Variants in GABRG3 observed in about 807,000 individuals in gnomAD.
GABRG3 encodes the protein gamma-aminobutyric acid receptor subunit gamma-3.
In GABRG3, 25 loss-of-function variants were observed where a neutral mutation model predicts 48.8. The observed-to-expected ratio is 0.51, with a 90% CI of 0.37 to 0.72. GABRG3 has a LOEUF of 0.72. GABRG3 is among the 30% of genes least tolerant of loss of function. The pLI is 0.00. For synonymous variants in GABRG3, 227 were observed against 217.6 expected (o/e 1.04, Z -0.38); for missense variants, 394 against 577.9 (o/e 0.68, Z 3.26).
intron 6 of GABRG3, among the ~76,000 whole-genome samples, chr15:27,500,553 C>T (rs929632523): frequency 1.3e-5 from 2 of 152,226 alleles, no homozygotes; most frequent in Non-Finnish European, 2.9e-5. Context: ...ACCAGCCAGA[C>T]GTTACGTAAA....
chr15:27,268,715 T>G (rs1327794287), intron 3 of GABRG3, among the ~76,000 whole-genome samples: 3 of 150,404 alleles, frequency 2.0e-5, no homozygotes, highest in Non-Finnish European at 4.4e-5. Flanking sequence ...CTATGTTGTA[T>G]TTTTCAAATT....
At chr15:27,019,211 G>A (rs1278714100) in intron 2 of GABRG3, among the ~76,000 whole-genome samples, 1 of 151,800 alleles carries the variant, frequency 6.6e-6, no homozygotes, top group Non-Finnish European at 1.5e-5. Context: ...TGGGACTACA[G>A]GCGCCCGCCA....
chr15:27,391,856 G>T (rs910403178), intron 5 of GABRG3, among the ~76,000 whole-genome samples: 27 of 152,260 alleles, frequency 1.8e-4, no homozygotes, highest in African/African-American at 5.8e-4. Context: ...TAACCATATA[G>T]CTCAATCAGC....
At chr15:27,473,671 TAAGTC>T (rs921508447) in intron 5 of GABRG3, among the ~76,000 whole-genome samples, 1 of 152,364 alleles carries the variant, frequency 6.6e-6, no homozygotes, top group Admixed American at 6.5e-5. Context: ...CATAGGTTGA[TAAGTC>T]AGGTAATAGA....
At chr15:27,032,582 GA>G (rs2140688123) in intron 3 of GABRG3, among the ~76,000 whole-genome samples, 1 of 152,282 alleles carries the variant, frequency 6.6e-6, no homozygotes, top group East Asian at 1.9e-4. Context: ...GAGAGAGAGG[GA>G]GGAGGTGCCA....
At chr15:27,119,811 A>G (rs924991364) in intron 3 of GABRG3, among the ~76,000 whole-genome samples, 1 of 152,246 alleles carries the variant, frequency 6.6e-6, no homozygotes, top group African/African-American at 2.4e-5. Context: ...CCAAGAAGCC[A>G]TCTCCATTTC....
chr15:27,434,739 A>G lies in GABRG3; in HGVS notation c.575-45911A>G, dbSNP rs138794481. ...TGGCCAGAGCAGCAGTATGAGGCAT[A>G]GAGTAGGCAGGGAGTGGAAGGAGCA... On this transcript the variant is annotated intron_variant, in intron 5 of 9. Transcript: ENST00000615808. 1.1e-4 allele frequency among the ~76,000 whole-genome samples: 16 copies of G among 152,276 alleles called. No homozygotes were observed. In the East Asian group the frequency reaches 3.1e-3, roughly 29 times the overall value.
chr15:27,099,845 A>G (rs1897326147), intron 3 of GABRG3, among the ~76,000 whole-genome samples: 1 of 152,208 alleles, frequency 6.6e-6, no homozygotes, highest in Non-Finnish European at 1.5e-5. Flanking sequence ...GTCTATCACT[A>G]TAGATTCTAC....
intron 5 of GABRG3, among the ~76,000 whole-genome samples, chr15:27,425,386 C>T (rs1888258877): frequency 6.7e-6 from 1 of 148,336 alleles, no homozygotes; most frequent in Admixed American, 6.9e-5. Flanking sequence ...AGGCGGATCA[C>T]GAGGTCAGGA....
At chr15:26,998,138 C>T (rs1372931031) in intron 2 of GABRG3, among the ~76,000 whole-genome samples, 2 of 152,176 alleles carry the variant, frequency 1.3e-5, no homozygotes, top group African/African-American at 4.8e-5. Context: ...TCCAGGAGAG[C>T]TTTTTGTGAT....
intron 2 of GABRG3, among the ~76,000 whole-genome samples, chr15:27,000,376 T>C (rs1049587675): frequency 6.6e-6 from 1 of 152,218 alleles, no homozygotes; most frequent in Non-Finnish European, 1.5e-5. Flanking sequence ...TGGCAGACTC[T>C]AGGGCTAATT....
intron 5 of GABRG3, among the ~76,000 whole-genome samples, chr15:27,353,257 C>T (rs1255769420): frequency 6.6e-6 from 1 of 151,950 alleles, no homozygotes; most frequent in African/African-American, 2.4e-5. Context: ...GGCCCCAAGG[C>T]TTCCCAGTAC....
intron 3 of GABRG3, among the ~76,000 whole-genome samples, chr15:27,297,901 G>A (rs923267286): frequency 2.6e-5 from 4 of 151,974 alleles, no homozygotes; most frequent in African/African-American, 9.6e-5. Flanking sequence ...GAATAAATTG[G>A]AATAAATTTA....
intron 3 of GABRG3, among the ~76,000 whole-genome samples, chr15:27,232,275 A>G (rs1889823326): frequency 1.3e-5 from 2 of 152,324 alleles, no homozygotes; most frequent in African/African-American, 4.8e-5. Flanking sequence ...TTGAGGGCAG[A>G]TTATAATAAC....
At chr15:27,284,092 G>A (rs1891528457) in intron 3 of GABRG3, among the ~76,000 whole-genome samples, 1 of 152,096 alleles carries the variant, frequency 6.6e-6, no homozygotes, top group South Asian at 2.1e-4. Context: ...TGAGAGAGAG[G>A]AAAACTCAGA....
chr15:27,407,296 C>T (rs374155094), intron 5 of GABRG3, among the ~76,000 whole-genome samples: 19 of 152,144 alleles, frequency 1.2e-4, no homozygotes, highest in Admixed American at 3.9e-4. Flanking sequence ...GGGCAAAATC[C>T]GGAACACTGA....
chr15:27,166,395 C>T (rs1887371738), intron 3 of GABRG3, among the ~76,000 whole-genome samples: 1 of 152,118 alleles, frequency 6.6e-6, no homozygotes, highest in South Asian at 2.1e-4. Flanking sequence ...ATGTGGACAA[C>T]ATCTTCTTCT....
intron 5 of GABRG3, among the ~76,000 whole-genome samples, chr15:27,424,494 A>G (rs1444366270): frequency 6.6e-6 from 1 of 150,552 alleles, no homozygotes; most frequent in East Asian, 2.0e-4. Flanking sequence ...TCATAAGGGC[A>G]TTAATCCCAT....
chr15:27,416,799 T>C (rs1887953779), intron 5 of GABRG3, among the ~76,000 whole-genome samples: 2 of 152,162 alleles, frequency 1.3e-5, no homozygotes. Context: ...GGGATGGTGG[T>C]TTTGCCCTGT....
Sources: gnomAD v4.1 joint callset for allele counts (sites outside exome capture counted in the v4.1 genomes callset) on GRCh38, gnomAD v4.1.1 for gene constraint, MANE v1.5 for transcripts, NCBI Gene and HGNC (gene_info 2026-07-23, HGNC 2026-07-21) for gene names.